KDM2B: variants seen among roughly 807,000 people sequenced by gnomAD.
The protein encoded by KDM2B is lysine-specific demethylase 2B.
KDM2B carries 26 observed loss-of-function variants against 150.0 expected under a neutral mutation model. The ratio of observed to expected loss-of-function variants is 0.17; its 90% CI spans 0.13 to 0.24. The LOEUF (loss-of-function observed/expected upper bound fraction) is 0.24, where lower values mean the gene tolerates loss of function less well. Ranked by LOEUF, KDM2B falls within the 10% of genes least tolerant of loss-of-function variation. The pLI is 1.00. For missense variants in KDM2B, 1,265 were observed against 1,816.9 expected (o/e 0.70, Z 5.52); for synonymous variants, 734 against 729.5 (o/e 1.01, Z -0.10).
rs150962914 is a variant in KDM2B at position 121,520,658 on chromosome 12, C to T, written c.1047+327G>A. ...GCGACCAAATCCCCCTAATCCCTCA[C>T]ACCACTTTCTCCACGTGAGGAGGAA... On this transcript the variant is annotated intron_variant, in intron 9 of 22. Transcript: ENST00000377071. This position sits in a 1 kb window ranked among gnomAD's most constrained non-coding sequence, Gnocchi z 4.5. 2.5e-3 allele frequency among the ~76,000 whole-genome samples: 375 copies of T among 152,322 alleles called. 2 individuals are homozygous for T. Among genetic ancestry groups the T allele is most frequent in the Non-Finnish European group, 4.3e-3 (292 of 68,030 alleles).
downstream of KDM2B, among the ~76,000 whole-genome samples, chr12:121,427,716 T>G (rs1872577314): frequency 7.5e-6 from 1 of 132,662 alleles, no homozygotes; most frequent in African/African-American, 2.5e-5. Flanking sequence ...TGTGGTGGCT[T>G]GGATCCCCAG....
At chr12:121,410,589 AT>A in the KDM2B span, among the ~76,000 whole-genome samples, 2 of 152,148 alleles carry the variant, frequency 1.3e-5, no homozygotes, top group East Asian at 3.9e-4. Context: ...AATACTTCAA[AT>A]ATACTAGTGA....
chr12:121,482,529 G>C (rs1272177694), intron 12 of KDM2B, among the ~76,000 whole-genome samples: 1 of 151,700 alleles, frequency 6.6e-6, no homozygotes, highest in African/African-American at 2.4e-5. Flanking sequence ...CTCAATCTCC[G>C]GACCTCGTGA....
At chr12:121,418,532 A>T in the KDM2B span, 2 of 152,320 alleles carry the variant, frequency 1.3e-5, no homozygotes, top group African/African-American at 4.8e-5. Flanking sequence ...TTTCACGCTT[A>T]ATTTTCTTCT....
chr12:121,561,579 T>A (rs1467279517), intron 4 of KDM2B, among the ~76,000 whole-genome samples: 1 of 152,160 alleles, frequency 6.6e-6, no homozygotes, highest in Non-Finnish European at 1.5e-5. Context: ...ATGCCTCCCC[T>A]ACCTGCCGCT....
chr12:121,571,572 G>C (rs1229852800), intron 4 of KDM2B, among the ~76,000 whole-genome samples: 1 of 152,000 alleles, frequency 6.6e-6, no homozygotes, highest in Non-Finnish European at 1.5e-5. Flanking sequence ...GGGATTACAG[G>C]CGTGAGCCAC....
In KDM2B at chr12:121,478,749, ACGATCT is replaced by A. The variant is rs564343528; in HGVS notation, c.1734+15824_1734+15829del. Among the ~76,000 whole-genome samples, 68 of 150,404 alleles carry A rather than the reference ACGATCT, an allele frequency of 4.5e-4. 1 individual carries two copies. The highest frequency in any genetic ancestry group is 6.9e-4 in the Non-Finnish European group (47 of 67,642). Reference sequence around the variant, plus strand: ...GTTGCCCAGGCTGGAAGGCAGTGGCACGATCTCGGCTCACTGCAATCTCCGTTGCCC... The same window carrying A: ...GTTGCCCAGGCTGGAAGGCAGTGGCACGGCTCACTGCAATCTCCGTTGCCC... On this transcript the variant is annotated intron_variant, in intron 12 of 22. Transcript: ENST00000377071.
In KDM2B at chr12:121,441,202, C is replaced by A; in HGVS notation, c.3316G>T (p.Asp1106Tyr). The change falls in exon 20 of 23, where the codon GAC (aspartate) becomes TAC (tyrosine). Residue 1106 changes from aspartate to tyrosine, a missense_variant. Asp to Tyr is a radical substitution (Grantham distance 160, BLOSUM62 -3). Transcript: ENST00000377071. ...GTGATAGACTTGCAGTGGTTCAGGT[C>A]AATGCGGGTCCACAACCGCTTATCG... Reference protein sequence around the residue: ...CCDKRLWTRIDLNHCKSITPL... With the variant: ...CCDKRLWTRIYLNHCKSITPL... 1 of 1,614,138 alleles carries A rather than the reference C, an allele frequency of 6.2e-7. No individual in the cohort carries two copies. The highest frequency in any genetic ancestry group is 1.1e-5 in the South Asian group (1 of 91,078).
rs202206843 is a variant in KDM2B at position 121,480,933 on chromosome 12, T to G, written c.1734+13646A>C. Reference sequence around the variant, plus strand: ...TAAGTGAGAGGTGTTTTTTTTGTTGTTTTTTTTTTTTTGAGATGGAGTCTC... The same window carrying G: ...TAAGTGAGAGGTGTTTTTTTTGTTGGTTTTTTTTTTTTGAGATGGAGTCTC... On this transcript the variant is annotated intron_variant, in intron 12 of 22. Coordinates refer to ENST00000377071, the MANE Select transcript of KDM2B (RefSeq NM_032590.5). Among the ~76,000 whole-genome samples the G allele has an allele frequency of 8.0e-3, 464 of 58,306 alleles. 5 individuals are homozygous for G. Among genetic ancestry groups the G allele is most frequent in the African/African-American group, 0.016 (336 of 20,800 alleles). 38.3% of individuals were successfully genotyped at this position (58,306 alleles called of 152,430 possible). A position where few individuals can be genotyped will look rare whatever the true frequency, so the allele number is the denominator to read the frequency against.
chr12:121,451,659 C>A (rs566548566), intron 13 of KDM2B, among the ~76,000 whole-genome samples: 18 of 152,242 alleles, frequency 1.2e-4, no homozygotes, highest in African/African-American at 3.9e-4. Flanking sequence ...CGCCTGTAAT[C>A]CCAGCACTCT....
intron 11 of KDM2B, among the ~76,000 whole-genome samples, chr12:121,501,923 G>A (rs1213624068): frequency 6.6e-6 from 1 of 152,084 alleles, no homozygotes; most frequent in Admixed American, 6.6e-5. Flanking sequence ...GCCTAGCCGA[G>A]AGTGTGATGA....
chr12:121,497,837 C>T (rs1000094382), intron 11 of KDM2B, among the ~76,000 whole-genome samples: 1 of 151,908 alleles, frequency 6.6e-6, no homozygotes, highest in South Asian at 2.1e-4. Context: ...GTGGCTCACG[C>T]CTGTAATCCC....
At chr12:121,508,110 A>G (rs190754733) in intron 11 of KDM2B, among the ~76,000 whole-genome samples, 47 of 152,180 alleles carry the variant, frequency 3.1e-4, no homozygotes, top group Admixed American at 2.9e-3. Context: ...TTTTTCAGGC[A>G]GGGTCTTGCT....
Position 121,559,698 on chromosome 12 carries a change from C to T in KDM2B, c.398-10060G>A, listed in dbSNP as rs182398337. On this transcript the variant is annotated intron_variant, in intron 4 of 22. Coordinates refer to ENST00000377071, the MANE Select transcript of KDM2B (RefSeq NM_032590.5). ...GGAGGATCACCTGAGGTCGGGAGTT[C>T]GAGACCAGCCTGACCAACATGGAGA... 1.2e-3 allele frequency among the ~76,000 whole-genome samples: 185 copies of T among 151,982 alleles called. 3 individuals are homozygous for T. The highest frequency in any genetic ancestry group is 0.011 in the South Asian group (54 of 4,820).
intron 4 of KDM2B, among the ~76,000 whole-genome samples, chr12:121,566,399 G>T (rs1473881391): frequency 2.0e-5 from 3 of 152,154 alleles, no homozygotes; most frequent in Admixed American, 2.0e-4. Flanking sequence ...AGGCAGGCAG[G>T]TCACCTGAGG....
Position 121,521,047 on chromosome 12 carries a change from T to C in KDM2B, c.985A>G (p.Ile329Val). 6.2e-7 allele frequency: 1 copy of C among 1,614,002 alleles called. No homozygotes were observed. Among genetic ancestry groups the C allele is most frequent in the Non-Finnish European group, 8.5e-7 (1 of 1,179,960 alleles). Residue 329 changes from isoleucine (I) to valine (V), a missense_variant, in exon 9 of 23, where the codon ATC becomes GTC. By Grantham distance (29) the Ile-to-Val change is conservative (BLOSUM62 3). Transcript: ENST00000377071. This position sits in a 1 kb window ranked among gnomAD's most constrained non-coding sequence, Gnocchi z 4.9. ...ATGGGCACGTTAAAGCTGTGCAGGA[T>C]GTTTCCGCCGAACACCAAAGAGTCT... ...PVDSLVFGGNILHSFNVPMQL... is the reference protein window; with the variant it reads ...PVDSLVFGGNVLHSFNVPMQL...
chr12:121,432,757 C>G (rs540789625), intron 22 of KDM2B, among the ~76,000 whole-genome samples: 2 of 152,368 alleles, frequency 1.3e-5, no homozygotes, highest in African/African-American at 4.8e-5. Context: ...CTAGCTCATC[C>G]CCAGAATGCG....
chr12:121,453,463 C>A lies in KDM2B; in HGVS notation c.1735-119G>T. On this transcript the variant is annotated intron_variant, in intron 12 of 22. Coordinates refer to ENST00000377071, the MANE Select transcript of KDM2B (RefSeq NM_032590.5). The surrounding 1 kb of genome is among the most constrained non-coding windows in gnomAD (Gnocchi z 6.4). ...AGAAAGACACGATGGGGGCTCTAAA[C>A]CCCATTCCTCAGAGTGTGATCTTTA... The A allele has an allele frequency of 2.0e-5, 14 of 703,688 alleles. No individual in the cohort carries two copies. Among genetic ancestry groups the A allele is most frequent in the Middle Eastern group, 4.0e-4 (1 of 2,476 alleles). The allele number at this position is 703,688 out of a possible 1,614,324, so 43.6% of individuals were successfully genotyped here.
intron 10 of KDM2B, among the ~76,000 whole-genome samples, chr12:121,510,564 G>A (rs782642838): frequency 1.2e-4 from 18 of 152,138 alleles, no homozygotes; most frequent in Admixed American, 3.3e-4. Flanking sequence ...GGGCCTAGGC[G>A]AGTGGATTGC....
Sources: allele counts gnomAD v4.1 joint callset (sites outside exome capture counted in the v4.1 genomes callset), GRCh38; gene constraint gnomAD v4.1.1; non-coding constraint Gnocchi (gnomAD v3.1); transcripts MANE v1.5; gene names NCBI Gene and HGNC (gene_info 2026-07-23, HGNC 2026-07-21).